The following FAAH2 variants were observed in gnomAD, a reference collection of about 807,000 sequenced individuals.
The protein encoded by FAAH2 is fatty-acid amide hydrolase 2.
In FAAH2, 60 loss-of-function variants were observed where a neutral mutation model predicts 36.9. That is an observed-to-expected ratio of 1.63 (90% CI 1.32 to 2.02). The LOEUF is 2.02. Ranked by LOEUF, FAAH2 falls within the 30% of genes most tolerant of loss-of-function variation. The pLI, the probability that FAAH2 is intolerant of heterozygous loss-of-function variation, is 0.00. For missense variants in FAAH2, 689 were observed against 397.5 expected, an observed-to-expected ratio of 1.73 and a Z score of -6.23; for synonymous variants, 214 against 143.8, an observed-to-expected ratio of 1.49 and a Z score of -3.49.
chrX:57,154,632 A>C, the FAAH2 span, among the ~76,000 whole-genome samples: 1 of 110,486 alleles, frequency 9.1e-6, no homozygotes, highest in Non-Finnish European at 1.9e-5. Context: ...CTGGTGCCTC[A>C]TTGATTAGCT....
chrX:57,466,154 C>CTATATATA lies in FAAH2; in HGVS notation c.1423+17437_1423+17438insATATATAT, dbSNP rs1371319859. ...TCTCTCTCTCTCTCTCTCTCTCTCTCTCTATATATATATATATATATATAT... is the reference window on the plus strand; with the variant it reads ...TCTCTCTCTCTCTCTCTCTCTCTCTCTATATATATCTATATATATATATATATATATAT... On this transcript the variant is annotated intron_variant, in intron 10 of 10. Transcript: ENST00000374900. Among the ~76,000 whole-genome samples the CTATATATA allele has an allele frequency of 6.8e-3, 457 of 66,845 alleles. 4 individuals carry two copies. Among genetic ancestry groups the CTATATATA allele is most frequent in the African/African-American group, 0.015 (244 of 16,627 alleles). 58.0% of individuals were successfully genotyped at this position (66,845 alleles called of 115,157 possible).
chrX:57,374,842 G>T (rs1042867554), intron 5 of FAAH2, among the ~76,000 whole-genome samples: 4 of 111,134 alleles, frequency 3.6e-5, no homozygotes, highest in Non-Finnish European at 7.6e-5. Flanking sequence ...GTTGGCTGTG[G>T]GTTTCCCATA....
the FAAH2 span, among the ~76,000 whole-genome samples, chrX:57,209,587 C>T: frequency 6.3e-5 from 7 of 111,480 alleles, no homozygotes; most frequent in Admixed American, 6.7e-4. Flanking sequence ...ACACTTCCCT[C>T]TCCTCAGACA....
chrX:57,242,177 A>T, the FAAH2 span, among the ~76,000 whole-genome samples: 1 of 112,137 alleles, frequency 8.9e-6, no homozygotes, highest in Non-Finnish European at 1.9e-5. Context: ...AGCTCCCAGC[A>T]GGGGTCAGCA....
intron 7 of FAAH2, among the ~76,000 whole-genome samples, chrX:57,401,258 A>C (rs993589885): frequency 2.7e-5 from 3 of 112,127 alleles, no homozygotes; most frequent in African/African-American, 9.7e-5. Context: ...ACTGGCTCAA[A>C]TCTTGGGCTA....
At chrX:57,257,543 G>T in the FAAH2 span, among the ~76,000 whole-genome samples, 3 of 109,766 alleles carry the variant, frequency 2.7e-5, no homozygotes, top group Admixed American at 9.7e-5. Context: ...TTGCCTGTCG[G>T]GGGGTGGGGG....
chrX:57,307,333 G>T (rs1316720182), intron 2 of FAAH2, among the ~76,000 whole-genome samples: 1 of 109,240 alleles, frequency 9.2e-6, no homozygotes, highest in Admixed American at 1.0e-4. Context: ...ACAATTCTAT[G>T]AGGTAATTAT....
At chrX:57,340,288 G>GT (rs1165454385) in intron 4 of FAAH2, among the ~76,000 whole-genome samples, 1 of 111,529 alleles carries the variant, frequency 9.0e-6, no homozygotes, top group Non-Finnish European at 1.9e-5. Context: ...TGATTAGATG[G>GT]TGCCTGTTGT....
At chrX:57,482,774 G>C (rs943394013) in intron 10 of FAAH2, among the ~76,000 whole-genome samples, 4 of 97,060 alleles carry the variant, frequency 4.1e-5, no homozygotes, top group Non-Finnish European at 8.2e-5. Flanking sequence ...TTATGAAAGA[G>C]TTTGGCAGGA....
At chrX:57,329,306 G>C (rs559288588) in intron 3 of FAAH2, among the ~76,000 whole-genome samples, 2 of 111,687 alleles carry the variant, frequency 1.8e-5, no homozygotes, top group African/African-American at 6.5e-5. Context: ...ATTTACACTG[G>C]TGGCATTGTT....
chrX:57,164,054 G>T, the FAAH2 span, among the ~76,000 whole-genome samples: 13 of 112,316 alleles, frequency 1.2e-4, 1 homozygote, highest in Non-Finnish European at 2.3e-4. Context: ...AGATGTGATT[G>T]TCAATTTAAG....
intron 10 of FAAH2, among the ~76,000 whole-genome samples, chrX:57,475,058 T>G (rs1032044184): frequency 8.9e-6 from 1 of 112,177 alleles, no homozygotes; most frequent in Non-Finnish European, 1.9e-5. Context: ...TGTATCTTTC[T>G]TGAAAATTTA....
intron 5 of FAAH2, among the ~76,000 whole-genome samples, chrX:57,346,654 C>A (rs2053829286): frequency 9.0e-6 from 1 of 111,293 alleles, no homozygotes; most frequent in Non-Finnish European, 1.9e-5. Flanking sequence ...TTGTAGACTT[C>A]ATTGTGTAAT....
At chrX:57,304,304 C>CA (rs1324087174) in intron 2 of FAAH2, among the ~76,000 whole-genome samples, 1 of 112,354 alleles carries the variant, frequency 8.9e-6, no homozygotes. Flanking sequence ...AAATCCAATT[C>CA]AAAATGACTG....
chrX:57,138,591 C>G, the FAAH2 span, among the ~76,000 whole-genome samples: 1 of 111,120 alleles, frequency 9.0e-6, no homozygotes, highest in Admixed American at 9.6e-5. Context: ...AGTGAGATTG[C>G]TGGATCTTAG....
chrX:57,159,563 G>A, the FAAH2 span, among the ~76,000 whole-genome samples: 3 of 110,730 alleles, frequency 2.7e-5, no homozygotes, highest in Admixed American at 2.9e-4. Context: ...CACATCCCTT[G>A]TAAGTTGGAT....
chrX:57,303,749 G>A (rs1015091816), intron 2 of FAAH2, among the ~76,000 whole-genome samples: 2 of 111,630 alleles, frequency 1.8e-5, no homozygotes, highest in Non-Finnish European at 1.9e-5. Context: ...AACATTCTCA[G>A]ATTAATATTT....
the FAAH2 span, among the ~76,000 whole-genome samples, chrX:57,141,270 A>G: frequency 8.9e-6 from 1 of 112,157 alleles, no homozygotes; most frequent in Admixed American, 9.4e-5. Context: ...CCATCATTGC[A>G]TCCCTAAGAT....
chrX:57,384,407 A>G (rs1170986700), intron 7 of FAAH2, among the ~76,000 whole-genome samples: 1 of 104,026 alleles, frequency 9.6e-6, no homozygotes, highest in African/African-American at 3.3e-5. Context: ...ATGGGAGAAA[A>G]TTTTTGCAAT....
Sources: allele counts gnomAD v4.1 joint callset (sites outside exome capture counted in the v4.1 genomes callset), GRCh38; gene constraint gnomAD v4.1.1; transcripts MANE v1.5; gene names NCBI Gene and HGNC (gene_info 2026-07-23, HGNC 2026-07-21).